ACER2: variants seen among roughly 807,000 people sequenced by gnomAD.
ACER2 encodes alkaline ceramidase 2, also known as alkCDase 2.
Under a neutral mutation model 34.7 loss-of-function variants are expected in ACER2, and 26 were observed. That is an observed-to-expected ratio of 0.75 (90% confidence interval 0.55 to 1.04). ACER2 has a LOEUF of 1.04. ACER2 is among the 50% of genes least tolerant of loss of function. ACER2 has a pLI of 0.00. For missense variants in ACER2, 352 were observed against 340.8 expected (o/e 1.03, Z -0.26); for synonymous variants, 138 against 132.1 (o/e 1.04, Z -0.31).
intron 1 of ACER2, among the ~76,000 whole-genome samples, chr9:19,412,531 G>T (rs1358142670): frequency 1.3e-5 from 2 of 151,804 alleles, no homozygotes; most frequent in East Asian, 3.9e-4. Context: ...GTGCGTGCCT[G>T]TAAGTCCCCG....
intron 4 of ACER2, among the ~76,000 whole-genome samples, chr9:19,443,131 C>T (rs1411169685): frequency 5.3e-5 from 8 of 152,132 alleles, no homozygotes; most frequent in Admixed American, 2.0e-4. Context: ...CCCGGGTTCG[C>T]GCCATTCTCC....
chr9:19,414,253 C>G (rs1413232240), intron 1 of ACER2, among the ~76,000 whole-genome samples: 1 of 152,172 alleles, frequency 6.6e-6, no homozygotes, highest in African/African-American at 2.4e-5. Context: ...TAGGAATCAG[C>G]ACACAATTAA....
chr9:19,448,134 A>C (rs1831433228), intron 5 of ACER2, among the ~76,000 whole-genome samples: 1 of 149,526 alleles, frequency 6.7e-6, no homozygotes, highest in South Asian at 2.1e-4. Context: ...CACCCCCTGC[A>C]GGGAGCTGGG....
At chr9:19,413,995 T>C (rs1048529129) in intron 1 of ACER2, among the ~76,000 whole-genome samples, 1 of 152,156 alleles carries the variant, frequency 6.6e-6, no homozygotes, top group South Asian at 2.1e-4. Flanking sequence ...AGGGCTATGA[T>C]AGAGGTGTGT....
At chr9:19,419,856 C>A (rs1391343049) in intron 1 of ACER2, among the ~76,000 whole-genome samples, 3 of 152,210 alleles carry the variant, frequency 2.0e-5, no homozygotes, top group Admixed American at 1.3e-4. Flanking sequence ...GTATTTCAGA[C>A]CTGGATTTTA....
At chr9:19,445,468 A>C (rs1475331059) in intron 4 of ACER2, among the ~76,000 whole-genome samples, 2 of 152,226 alleles carry the variant, frequency 1.3e-5, no homozygotes, top group Non-Finnish European at 2.9e-5. Flanking sequence ...AAATTAAAGG[A>C]GGGAAGGAGG....
intron 4 of ACER2, among the ~76,000 whole-genome samples, chr9:19,435,802 T>A (rs200176894): frequency 2.0e-5 from 3 of 151,088 alleles, no homozygotes; most frequent in African/African-American, 7.3e-5. Context: ...GTAATCCCAG[T>A]ACTTTGGGAG....
At chr9:19,421,292 A>G (rs2383092) in intron 1 of ACER2, among the ~76,000 whole-genome samples, 158 of 152,338 alleles carry the variant, frequency 1.0e-3, no homozygotes, top group African/African-American at 3.5e-3. Context: ...AAGTTTTAAC[A>G]TATGAATTTT....
At chr9:19,433,391 C>G (rs1234643321) in intron 3 of ACER2, among the ~76,000 whole-genome samples, 2 of 152,016 alleles carry the variant, frequency 1.3e-5, no homozygotes, top group East Asian at 1.9e-4. Flanking sequence ...ATCTGTTTAA[C>G]AAAGCACATC....
intron 1 of ACER2, among the ~76,000 whole-genome samples, chr9:19,409,430 G>T (rs991366383): frequency 6.6e-6 from 1 of 152,200 alleles, no homozygotes; most frequent in South Asian, 2.1e-4. Flanking sequence ...TTTGTTTTGT[G>T]ATGGTCCTAT....
Position 19,448,539 on chromosome 9 carries a change from A to G in ACER2, c.642-1911A>G, listed in dbSNP as rs548287502. Reference sequence around the variant, plus strand: ...CAAACACTTTATAATGAACATCTAGATTGATTTGAGTTTCTGAATATTTTC... The same window carrying G: ...CAAACACTTTATAATGAACATCTAGGTTGATTTGAGTTTCTGAATATTTTC... On this transcript the variant is annotated intron_variant, in intron 5 of 5. Transcript: ENST00000340967. Among the ~76,000 whole-genome samples, 18 of 152,208 alleles carry G rather than the reference A, an allele frequency of 1.2e-4. No individual in the cohort carries two copies. The East Asian group carries it at 3.5e-3, about 29-fold the overall frequency.
At chr9:19,417,598 C>G (rs1355360000) in intron 1 of ACER2, among the ~76,000 whole-genome samples, 3 of 152,060 alleles carry the variant, frequency 2.0e-5, no homozygotes, top group Non-Finnish European at 2.9e-5. Context: ...ACAAACCTGA[C>G]AAAAACAAGC....
At chr9:19,434,644 G>C (rs151176661) in intron 3 of ACER2, among the ~76,000 whole-genome samples, 2 of 152,180 alleles carry the variant, frequency 1.3e-5, no homozygotes, top group African/African-American at 4.8e-5. Flanking sequence ...GTGGCGGTGC[G>C]CGCCTGCAAT....
chr9:19,437,365 A>G (rs1831010519), intron 4 of ACER2, among the ~76,000 whole-genome samples: 1 of 152,054 alleles, frequency 6.6e-6, no homozygotes, highest in Admixed American at 6.5e-5. Context: ...TCCTACAATC[A>G]TTGGGTCCCT....
chr9:19,422,258 C>G (rs1042143732), intron 1 of ACER2, among the ~76,000 whole-genome samples: 8 of 151,614 alleles, frequency 5.3e-5, no homozygotes, highest in African/African-American at 1.7e-4. Flanking sequence ...CTGGTCCCAC[C>G]ACTACACTCT....
chr9:19,420,881 T>C (rs1003411384), intron 1 of ACER2, among the ~76,000 whole-genome samples: 1 of 152,126 alleles, frequency 6.6e-6, no homozygotes, highest in African/African-American at 2.4e-5. Flanking sequence ...AGAGCGCTAA[T>C]CCAATTTAAC....
rs1443404937 is a variant in ACER2, at chr9:19,450,355, G to T, written c.642-95G>T. On this transcript the variant is annotated intron_variant, in intron 5 of 5. Coordinates refer to ENST00000340967, the MANE Select transcript of ACER2 (RefSeq NM_001010887.3). ...CCTGGGCTGCAACTACAGTCAGCAA[G>T]GTGCGTGGGTTAGACCGGAAGAAGG... 3 of 1,394,564 alleles carry T rather than the reference G, an allele frequency of 2.2e-6. No homozygotes were observed. In the African/African-American group the frequency reaches 4.2e-5, roughly 20 times the overall value. 86.4% of individuals were successfully genotyped at this position (1,394,564 alleles called of 1,614,324 possible).
At chr9:19,440,917 T>C (rs1197905130) in intron 4 of ACER2, among the ~76,000 whole-genome samples, 2 of 152,216 alleles carry the variant, frequency 1.3e-5, no homozygotes, top group Non-Finnish European at 2.9e-5. Flanking sequence ...CTTTTCTAGC[T>C]CTGATTCTCT....
chr9:19,444,670 A>G (rs1361394431), intron 4 of ACER2, among the ~76,000 whole-genome samples: 1 of 152,170 alleles, frequency 6.6e-6, no homozygotes, highest in Admixed American at 6.5e-5. Flanking sequence ...AAGCCTGGAG[A>G]CTGAGCCCTG....
Sources: gnomAD v4.1 joint callset for allele counts (sites outside exome capture counted in the v4.1 genomes callset) on GRCh38, gnomAD v4.1.1 for gene constraint, MANE v1.5 for transcripts, NCBI Gene and HGNC (gene_info 2026-07-23, HGNC 2026-07-21) for gene names.